The following GRID1 variants were observed in gnomAD, a reference collection of about 807,000 sequenced individuals.
The protein encoded by GRID1 is glutamate receptor ionotropic, delta-1.
A neutral mutation model predicts 98.0 loss-of-function variants in GRID1; 28 were observed. That is an observed-to-expected ratio of 0.29 (90% CI 0.21 to 0.39). GRID1 has a LOEUF of 0.39. Among genes scored for constraint, GRID1 ranks in the 10% least tolerant of loss-of-function variants. GRID1 has a pLI of 1.00. For missense variants in GRID1, 1,111 were observed against 1,340.5 expected, an observed-to-expected ratio of 0.83 and a Z score of 2.67; for synonymous variants, 553 against 538.5, an observed-to-expected ratio of 1.03 and a Z score of -0.37.
intron 12 of GRID1, among the ~76,000 whole-genome samples, chr10:85,649,006 G>T (rs1843232166): frequency 6.6e-6 from 1 of 152,236 alleles, no homozygotes; most frequent in Admixed American, 6.5e-5. Flanking sequence ...TTTAATAATG[G>T]AGATAGAAGC....
At chr10:85,785,988 A>G (rs1248009077) in intron 8 of GRID1, among the ~76,000 whole-genome samples, 2 of 151,960 alleles carry the variant, frequency 1.3e-5, no homozygotes, top group Admixed American at 6.6e-5. Context: ...CTACACAGAC[A>G]CACACACGTA....
At chr10:85,680,613 C>A (rs540776135) in intron 12 of GRID1, among the ~76,000 whole-genome samples, 1 of 152,232 alleles carries the variant, frequency 6.6e-6, no homozygotes, top group Admixed American at 6.5e-5. Flanking sequence ...TCTAGCAATC[C>A]CACTACTGGG....
At chr10:85,740,358 C>T (rs917130051) in intron 8 of GRID1, among the ~76,000 whole-genome samples, 1 of 152,178 alleles carries the variant, frequency 6.6e-6, no homozygotes, top group Admixed American at 6.5e-5. Context: ...TGCTCAGGCT[C>T]ATACTAGCAG....
At chr10:86,196,687 G>A (rs1845877815) in intron 3 of GRID1, among the ~76,000 whole-genome samples, 1 of 151,994 alleles carries the variant, frequency 6.6e-6, no homozygotes, top group African/African-American at 2.4e-5. Context: ...TTTCTCAGGG[G>A]CTGGCCACAT....
chr10:85,639,232 C>T (rs917260227), intron 13 of GRID1, among the ~76,000 whole-genome samples: 5 of 151,806 alleles, frequency 3.3e-5, no homozygotes, highest in East Asian at 3.9e-4. Context: ...AATATCATTC[C>T]CACACACACA....
intron 4 of GRID1, among the ~76,000 whole-genome samples, chr10:86,034,156 C>T (rs551159097): frequency 3.3e-5 from 5 of 152,142 alleles, no homozygotes; most frequent in South Asian, 2.1e-4. Context: ...GATGTGCTAA[C>T]GTAGCTAATG....
chr10:85,853,121 C>T (rs1238700342), intron 8 of GRID1, among the ~76,000 whole-genome samples: 3 of 151,156 alleles, frequency 2.0e-5, no homozygotes, highest in Non-Finnish European at 4.4e-5. Flanking sequence ...GTCTTCTGCC[C>T]CATCTGTCAC....
intron 2 of GRID1, among the ~76,000 whole-genome samples, chr10:86,219,432 G>A (rs541123221): frequency 3.9e-5 from 6 of 152,264 alleles, no homozygotes; most frequent in East Asian, 3.9e-4. Flanking sequence ...CACAGACGCC[G>A]CCCCTCCCTC....
At chr10:85,929,410 C>G (rs1024723121) in intron 4 of GRID1, among the ~76,000 whole-genome samples, 1 of 152,180 alleles carries the variant, frequency 6.6e-6, no homozygotes, top group Non-Finnish European at 1.5e-5. Flanking sequence ...CTTTCTGGGC[C>G]TAGTTCTCCA....
intron 4 of GRID1, among the ~76,000 whole-genome samples, chr10:85,967,437 T>C (rs1438332878): frequency 6.6e-6 from 1 of 152,202 alleles, no homozygotes; most frequent in South Asian, 2.1e-4. Context: ...AGTGTTCAGT[T>C]TTCAACAAAA....
chr10:85,630,554 G>A (rs72841446), intron 13 of GRID1, among the ~76,000 whole-genome samples: 1 of 152,288 alleles, frequency 6.6e-6, no homozygotes, highest in Non-Finnish European at 1.5e-5. Flanking sequence ...ACTAGGCTGG[G>A]TCACAGTCTT....
chr10:86,332,391 C>T (rs1848157066), intron 2 of GRID1, among the ~76,000 whole-genome samples: 1 of 152,136 alleles, frequency 6.6e-6, no homozygotes, highest in South Asian at 2.1e-4. Flanking sequence ...AACCCTCTCC[C>T]TGCAGCTCAG....
chr10:85,665,166 T>C (rs188587671), intron 12 of GRID1, among the ~76,000 whole-genome samples: 99 of 152,278 alleles, frequency 6.5e-4, no homozygotes, highest in African/African-American at 2.1e-3. Flanking sequence ...TCCTTCTCTA[T>C]TGGACAAATA....
At chr10:86,140,685 C>T (rs892855641) in intron 3 of GRID1, among the ~76,000 whole-genome samples, 18 of 152,192 alleles carry the variant, frequency 1.2e-4, no homozygotes, top group Non-Finnish European at 1.8e-4. Flanking sequence ...GCACCTGCCA[C>T]GAACTCCGAC....
Position 85,613,509 on chromosome 10 carries a change from C to T in GRID1, c.2499G>A (p.Gly833=). Reference sequence around the variant, plus strand: ...GGCCAATGGCCAGGATGCAGAAGACCCCGGCGAAGCTGTGCAGCTTGAGGG... The same window carrying T: ...GGCCAATGGCCAGGATGCAGAAGACTCCGGCGAAGCTGTGCAGCTTGAGGG... ...GKSLKLHSFA[G]VFCILAIGLL... The change falls in exon 15 of 16, where the codon GGG becomes GGA. Residue 833 remains glycine, a synonymous_variant. Coordinates refer to ENST00000327946, the MANE Select transcript of GRID1 (RefSeq NM_017551.3). 1.2e-6 allele frequency: 2 copies of T among 1,614,162 alleles called. No individual in the cohort carries two copies. Among genetic ancestry groups the T allele is most frequent in the South Asian group, 1.1e-5 (1 of 91,082 alleles).
At chr10:86,296,565 C>A (rs1847592170) in intron 2 of GRID1, among the ~76,000 whole-genome samples, 1 of 152,010 alleles carries the variant, frequency 6.6e-6, no homozygotes, top group Non-Finnish European at 1.5e-5. Context: ...ATAGTGAAAC[C>A]CCGTCTCTAC....
chr10:86,052,226 A>G (rs1297451503), intron 4 of GRID1, among the ~76,000 whole-genome samples: 1 of 152,248 alleles, frequency 6.6e-6, no homozygotes, highest in African/African-American at 2.4e-5. Flanking sequence ...ACAGAAGTGA[A>G]GGAATGTGAA....
Position 86,192,858 on chromosome 10 carries a change from G to T in GRID1, c.520+13506C>A, listed in dbSNP as rs906996533. On this transcript the variant is annotated intron_variant, in intron 3 of 15. Coordinates refer to ENST00000327946, the MANE Select transcript of GRID1 (RefSeq NM_017551.3). The surrounding 1 kb of genome is among the most constrained non-coding windows in gnomAD (Gnocchi z 4.8). ...GTCTCCAGCAACAAAATCCTTAAAG[G>T]CCCCACAGTGAGGATGCAGCCTCCC... Among the ~76,000 whole-genome samples, 7 of 151,896 alleles carry T rather than the reference G, an allele frequency of 4.6e-5. No individual in the cohort carries two copies. The highest frequency in any genetic ancestry group is 8.8e-5 in the Non-Finnish European group (6 of 67,880).
At chr10:86,030,209 A>C (rs1430661093) in intron 4 of GRID1, among the ~76,000 whole-genome samples, 3 of 152,256 alleles carry the variant, frequency 2.0e-5, no homozygotes, top group African/African-American at 7.2e-5. Context: ...ATTTTATATA[A>C]GAAAGGATCT....
Sources: allele counts gnomAD v4.1 joint callset (sites outside exome capture counted in the v4.1 genomes callset), GRCh38; gene constraint gnomAD v4.1.1; non-coding constraint Gnocchi (gnomAD v3.1); transcripts MANE v1.5; gene names NCBI Gene and HGNC (gene_info 2026-07-23, HGNC 2026-07-21).